PAH: variants seen among roughly 807,000 people sequenced by gnomAD.
The protein encoded by PAH is phenylalanine hydroxylase, also known as phenylalanine-4-hydroxylase.
In PAH, 64 loss-of-function variants were observed where a neutral mutation model predicts 62.0. The observed-to-expected ratio is 1.03, with a 90% CI of 0.84 to 1.27. The LOEUF (loss-of-function observed/expected upper bound fraction) is 1.27, where lower values mean the gene tolerates loss of function less well. PAH is among the 50% of genes most tolerant of loss of function. The pLI is 0.00. For missense variants in PAH, 579 were observed against 542.8 expected, an observed-to-expected ratio of 1.07 and a Z score of -0.66; for synonymous variants, 195 against 196.2, an observed-to-expected ratio of 0.99 and a Z score of 0.05.
chr12:102,954,535 T>A (rs146461565), upstream of PAH, among the ~76,000 whole-genome samples: 94 of 152,090 alleles, frequency 6.2e-4, no homozygotes, highest in African/African-American at 2.2e-3. Flanking sequence ...CTGGCATAGG[T>A]GAAATAGAGA....
intron 4 of PAH, among the ~76,000 whole-genome samples, chr12:102,875,791 C>T (rs1312684540): frequency 6.6e-6 from 1 of 152,054 alleles, no homozygotes; most frequent in East Asian, 1.9e-4. Flanking sequence ...TCAAGGCAGC[C>T]ATTGGAAGTT....
At chr12:102,936,561 CCAT>C (rs1170739561) in intron 1 of PAH, among the ~76,000 whole-genome samples, 1 of 152,028 alleles carries the variant, frequency 6.6e-6, no homozygotes, top group Non-Finnish European at 1.5e-5. Context: ...TCTGGGTACT[CCAT>C]CATTGGATGC....
Position 102,917,148 on chromosome 12 carries a change from G to C in PAH, c.-18C>G. The C allele has an allele frequency of 6.2e-7, 1 of 1,613,892 alleles. No individual in the cohort carries two copies. Among genetic ancestry groups the C allele is most frequent in the African/African-American group, 1.3e-5 (1 of 75,048 alleles). ...GTGGACATGCTGGCTCCCCGGGAGTGAGGTCTCTGGCTTTTTAGGGCCTCA... is the reference window on the plus strand; with the variant it reads ...GTGGACATGCTGGCTCCCCGGGAGTCAGGTCTCTGGCTTTTTAGGGCCTCA... On this transcript the variant is annotated 5_prime_UTR_variant, in exon 1 of 13. Transcript: ENST00000553106.
chr12:102,913,684 G>A (rs1043777264), intron 1 of PAH: 1 of 643,252 alleles, frequency 1.6e-6, no homozygotes, highest in African/African-American at 1.8e-5. Flanking sequence ...GCTGAGATCT[G>A]AGACATCCAA....
intron 5 of PAH, among the ~76,000 whole-genome samples, chr12:102,858,221 G>C (rs970205964): frequency 3.9e-5 from 6 of 152,048 alleles, no homozygotes; most frequent in Admixed American, 6.6e-5. Flanking sequence ...GATAAAAAGA[G>C]ACAAAGAAGG....
At chr12:102,887,857 A>G (rs1009843644) in intron 3 of PAH, among the ~76,000 whole-genome samples, 1 of 152,134 alleles carries the variant, frequency 6.6e-6, no homozygotes, top group Non-Finnish European at 1.5e-5. Context: ...GCATCACGAC[A>G]ATACTCCCTC....
At chr12:102,858,046 T>C (rs1665920085) in intron 5 of PAH, among the ~76,000 whole-genome samples, 1 of 151,860 alleles carries the variant, frequency 6.6e-6, no homozygotes, top group Admixed American at 6.6e-5. Context: ...GGATAAAGAG[T>C]CAAGACGTAT....
chr12:102,933,550 A>C (rs190181227), intron 1 of PAH, among the ~76,000 whole-genome samples: 214 of 152,168 alleles, frequency 1.4e-3, no homozygotes, highest in Non-Finnish European at 2.6e-3. Context: ...GAACCTCCAA[A>C]CTGTTCTCCA....
At position 102,866,654 on chromosome 12, in the gene PAH, C is replaced by CT; in HGVS notation, c.450dup (p.Asp151ArgfsTer13). ...TTCCGTCTTGCACGGTACACAGGAT[C>CT]TTTAAAACCCTAGGAGAAAAGAGAC... On this transcript the variant is annotated frameshift_variant, in exon 5 of 13. Coordinates refer to ENST00000553106, the MANE Select transcript of PAH (RefSeq NM_000277.3). LOFTEE classifies it high-confidence loss of function. The CT allele has an allele frequency of 2.5e-6, 4 of 1,613,544 alleles. No individual in the cohort carries two copies. Among genetic ancestry groups the CT allele is most frequent in the Non-Finnish European group, 3.4e-6 (4 of 1,179,530 alleles).
At chr12:102,893,297 G>A (rs1182734755) in intron 3 of PAH, among the ~76,000 whole-genome samples, 1 of 152,140 alleles carries the variant, frequency 6.6e-6, no homozygotes, top group Admixed American at 6.5e-5. Flanking sequence ...CTACTCAAGA[G>A]GTTGAGGCAG....
At chr12:102,928,942 T>C (rs952991429) in intron 1 of PAH, among the ~76,000 whole-genome samples, 9 of 152,220 alleles carry the variant, frequency 5.9e-5, no homozygotes, top group Non-Finnish European at 8.8e-5. Context: ...TGGAGATTTA[T>C]ATGGTTTGGC....
intron 3 of PAH, among the ~76,000 whole-genome samples, chr12:102,882,094 T>C (rs1722389): frequency 0.7 from 106,862 of 152,056 alleles, 39,600 homozygotes; most frequent in African/African-American, 0.92. Context: ...ACAAGGGTTC[T>C]CTCTTCTCCG....
chr12:102,950,967 G>C (rs71466254), upstream of PAH: 12,921 of 151,984 alleles, frequency 0.085, 595 homozygotes, highest in East Asian at 0.12. Flanking sequence ...TGTTGTGGCT[G>C]AAGTGGGGGC....
chr12:102,956,427 G>A (rs2136782949), intron 1 of PAH, among the ~76,000 whole-genome samples: 1 of 152,310 alleles, frequency 6.6e-6, no homozygotes, highest in Non-Finnish European at 1.5e-5. Context: ...GTCGAGCGAC[G>A]GCTGCAAGCG....
chr12:102,866,736 A>T, intron 4 of PAH, 73 bp from the exon 5 acceptor site: 7 of 1,200,634 alleles, frequency 5.8e-6, no homozygotes, highest in Non-Finnish European at 8.7e-6. Context: ...AATGCTTTGA[A>T]TGGGGGCTCT....
chr12:102,947,230 G>T (rs1429980002), intron 1 of PAH, among the ~76,000 whole-genome samples: 2 of 152,132 alleles, frequency 1.3e-5, no homozygotes, highest in Non-Finnish European at 2.9e-5. Flanking sequence ...TTAAGACTTG[G>T]TGGTTGTGGA....
chr12:102,958,046 A>G (rs1593011947), intron 1 of PAH: 1 of 409,130 alleles, frequency 2.4e-6, no homozygotes, highest in Non-Finnish European at 4.2e-6. Flanking sequence ...AAGCATTTTC[A>G]CTTTTTTTGC....
intron 2 of PAH, among the ~76,000 whole-genome samples, chr12:102,895,991 G>C (rs149273848): frequency 6.6e-6 from 1 of 151,814 alleles, no homozygotes; most frequent in Admixed American, 6.6e-5. Flanking sequence ...GGATCCACCA[G>C]TGAACAAAAT....
chr12:102,925,592 C>T (rs1171395434), intron 1 of PAH, among the ~76,000 whole-genome samples: 4 of 152,238 alleles, frequency 2.6e-5, no homozygotes, highest in African/African-American at 7.2e-5. Flanking sequence ...AAAAATGCAA[C>T]GTCTCATTGC....
Sources: gnomAD v4.1 joint callset for allele counts (sites outside exome capture counted in the v4.1 genomes callset) on GRCh38, gnomAD v4.1.1 for gene constraint, MANE v1.5 for transcripts, NCBI Gene and HGNC (gene_info 2026-07-23, HGNC 2026-07-21) for gene names.